Variants in ERBB2 observed in about 807,000 individuals in gnomAD.
ERBB2 encodes erb-b2 receptor tyrosine kinase 2.
In ERBB2, 61 loss-of-function variants were observed where a neutral mutation model predicts 149.0. That is an observed-to-expected ratio of 0.41 (90% CI 0.33 to 0.51). The LOEUF (loss-of-function observed/expected upper bound fraction) is 0.51, where lower values mean the gene tolerates loss of function less well. Ranked by LOEUF, ERBB2 falls within the 20% of genes least tolerant of loss-of-function variation. The pLI is 0.25. For synonymous variants in ERBB2, 633 were observed against 678.8 expected (o/e 0.93, Z 1.05); for missense variants, 1,205 against 1,655.1 (o/e 0.73, Z 4.72).
rs1267880244 is a variant in ERBB2, at chr17:39,727,408, A to T, written c.3273A>T (p.Gly1091=). ...AGSDVFDGDL[G]MGAAKGLQSL... ...CCGATGTATTTGATGGTGACCTGGG[A>T]ATGGGGGCAGCCAAGGGGCTGCAAA... Residue 1091 remains glycine, a synonymous_variant, in exon 26 of 27, where the codon GGA becomes GGT. Coordinates refer to ENST00000269571, the MANE Select transcript of ERBB2 (RefSeq NM_004448.4). The surrounding 1 kb of genome is among the most constrained non-coding windows in gnomAD (Gnocchi z 4.3). The T allele has an allele frequency of 6.2e-7, 1 of 1,611,206 alleles. No individual in the cohort carries two copies. The highest frequency in any genetic ancestry group is 1.3e-5 in the African/African-American group (1 of 74,822).
At position 39,723,429 on chromosome 17, in the gene ERBB2, C is replaced by G. The variant is rs1190122730; in HGVS notation, c.2057C>G (p.Thr686Arg). Residue 686 changes from threonine (T) to arginine (R), a missense_variant, in exon 17 of 27, where the codon ACG becomes AGG. Around this residue, in one of 6 missense-constraint regions of ERBB2, gnomAD observed 569 missense variants for 803.5 expected, o/e 0.71. Coordinates refer to ENST00000269571, the MANE Select transcript of ERBB2 (RefSeq NM_004448.4). The surrounding 1 kb of genome is among the most constrained non-coding windows in gnomAD (Gnocchi z 6.2). ...KRRQQKIRKY[T>R]MRRLLQETEL... ...CGGCAGCAGAAGATCCGGAAGTACA[C>G]GATGCGGAGACTGCTGCAGGAAACG... 1.9e-6 allele frequency: 3 copies of G among 1,614,176 alleles called. No individual in the cohort carries two copies. Among genetic ancestry groups the G allele is most frequent in the Non-Finnish European group, 2.5e-6 (3 of 1,180,034 alleles).
In ERBB2 at chr17:39,727,575, C is replaced by T. The variant is rs1342771260; in HGVS notation, c.3412+28C>T. 8 of 1,585,280 alleles carry T rather than the reference C, an allele frequency of 5.0e-6. No homozygotes were observed. The highest frequency in any genetic ancestry group is 6.8e-6 in the Non-Finnish European group (8 of 1,172,518). The stretch of plus-strand genomic sequence containing the variant: ...ATGGAGTCCAGTCTAAGCAGAGAGA[C>T]TGATGGGCAGGGGAGGTGGGACCTT... On this transcript the variant is annotated intron_variant, in intron 26 of 26. Coordinates refer to ENST00000269571, the MANE Select transcript of ERBB2 (RefSeq NM_004448.4). The surrounding 1 kb of genome is among the most constrained non-coding windows in gnomAD (Gnocchi z 4.3).
chr17:39,716,352 G>T lies in ERBB2; in HGVS notation c.1565G>T (p.Gly522Val), dbSNP rs561322621. 6.2e-7 allele frequency: 1 copy of T among 1,608,900 alleles called. No individual in the cohort carries two copies. Among genetic ancestry groups the T allele is most frequent in the East Asian group, 2.2e-5 (1 of 44,768 alleles). The part of the protein sequence containing the change: ...HQLCARGHCW[G>V]PGPTQCVNCS... The stretch of plus-strand genomic sequence containing the variant: ...CTGTGCGCCCGAGGGCACTGCTGGG[G>T]TCCAGGGCCCACCCAGTGTGTCAAC... The change falls in exon 13 of 27, where the codon GGT becomes GTT. Residue 522 changes from glycine to valine, a missense_variant. Physicochemically the swap from Gly to Val is moderately radical, Grantham distance 109. This residue lies in a region of ERBB2 where 569 missense variants were observed against 803.5 expected (regional missense o/e 0.71). Coordinates refer to ENST00000269571, the MANE Select transcript of ERBB2 (RefSeq NM_004448.4).
At chr17:39,700,015 A>G, upstream of ERBB2, 1 of 1,268,984 alleles carries the variant, frequency 7.9e-7, no homozygotes, top group South Asian at 3.1e-5. Flanking sequence ...GAGGTGGAGG[A>G]GGAGGGCTGC....
In ERBB2 at chr17:39,725,425, A is replaced by G. The variant is rs1257076596; in HGVS notation, c.2725+23A>G. Reference sequence around the variant, plus strand: ...ATGGTGTGTGATGGGGGGTGTTGGGAGGGGTGGGTGAGGAGCCATGGCTGG... The same window carrying G: ...ATGGTGTGTGATGGGGGGTGTTGGGGGGGGTGGGTGAGGAGCCATGGCTGG... On this transcript the variant is annotated intron_variant, in intron 22 of 26. Transcript: ENST00000269571. The surrounding 1 kb of genome is among the most constrained non-coding windows in gnomAD (Gnocchi z 4.6). 2 of 901,974 alleles carry G rather than the reference A, an allele frequency of 2.2e-6. No homozygotes were observed. The highest frequency in any genetic ancestry group is 3.5e-6 in the Non-Finnish European group (2 of 576,254). The allele number at this position is 901,974 out of a possible 1,614,324, so 55.9% of individuals were successfully genotyped here.
At position 39,728,040 on chromosome 17, in the gene ERBB2, TG is replaced by T. The variant is rs1848620508; in HGVS notation, c.3765del (p.Ter1256GlufsTer46). On this transcript the variant is annotated frameshift_variant, in exon 27 of 27. Coordinates refer to ENST00000269571, the MANE Select transcript of ERBB2 (RefSeq NM_004448.4). LOFTEE classifies it high-confidence loss of function. ...NPEYLGLDVP[V>X] ...GAGTACCTGGGTCTGGACGTGCCAG[TG>T]TGAACCAGAAGGCCAAGTCCGCAGA... is the stretch of plus-strand genomic sequence containing the variant. 3 of 1,579,058 alleles carry T rather than the reference TG, an allele frequency of 1.9e-6. No individual in the cohort carries two copies. Among genetic ancestry groups the T allele is most frequent in the Non-Finnish European group, 1.7e-6 (2 of 1,162,900 alleles).
In ERBB2 at chr17:39,727,632, G is replaced by A. The variant is rs2143276308; in HGVS notation, c.3413-57G>A. 6.4e-7 allele frequency: 1 copy of A among 1,556,832 alleles called. No individual in the cohort carries two copies. Among genetic ancestry groups the A allele is most frequent in the Non-Finnish European group, 8.7e-7 (1 of 1,154,522 alleles). On this transcript the variant is annotated intron_variant, in intron 26 of 26. Transcript: ENST00000269571. The surrounding 1 kb of genome is among the most constrained non-coding windows in gnomAD (Gnocchi z 4.3). ...AGGGTCCACTGTGGGGGCAGAGGGA[G>A]TGGCAGAGACACCGGGGTTCCTTCC... is the stretch of plus-strand genomic sequence containing the variant.
In ERBB2 at chr17:39,724,272, A is replaced by ATTTT. The variant is rs71149796; in HGVS notation, c.2307+275_2307+278dup. On this transcript the variant is annotated intron_variant, in intron 19 of 26. Coordinates refer to ENST00000269571, the MANE Select transcript of ERBB2 (RefSeq NM_004448.4). The stretch of plus-strand genomic sequence containing the variant: ...TAGCTGGGATTACAAGCGCCCGCTA[A>ATTTT]TTTTTTTTTTTTTTTTGAGACAGAG... Among the ~76,000 whole-genome samples the ATTTT allele has an allele frequency of 1.8e-4, 14 of 77,010 alleles. 3 individuals carry two copies. Among genetic ancestry groups the ATTTT allele is most frequent in the Non-Finnish European group, 3.0e-4 (11 of 37,232 alleles). The allele number at this position is 77,010 out of a possible 152,430, so 50.5% of individuals were successfully genotyped here.
At chr17:39,718,238 AT>A (rs1308518782) in intron 15 of ERBB2, among the ~76,000 whole-genome samples, 3 of 152,038 alleles carry the variant, frequency 2.0e-5, no homozygotes, top group Non-Finnish European at 4.4e-5. Context: ...TATTCTTTTA[AT>A]TTTTCTTATT....
chr17:39,689,671 C>T (rs1329605735), intron 2 of ERBB2, among the ~76,000 whole-genome samples: 4 of 152,022 alleles, frequency 2.6e-5, no homozygotes, highest in South Asian at 4.1e-4. Context: ...TTTGGGAGGC[C>T]GAGGCGGACG....
At chr17:39,697,411 A>G (rs1404303313), upstream of ERBB2, among the ~76,000 whole-genome samples, 2 of 147,100 alleles carry the variant, frequency 1.4e-5, no homozygotes, top group Admixed American at 6.8e-5. Context: ...GCTGGAGTAC[A>G]ATGGCGCGAT....
intron 7 of ERBB2, among the ~76,000 whole-genome samples, chr17:39,711,285 G>A (rs776413450): frequency 2.0e-5 from 3 of 151,860 alleles, no homozygotes; most frequent in Non-Finnish European, 2.9e-5. Flanking sequence ...TCTGCCTTCC[G>A]CATTCAAGCA....
chr17:39,712,148 G>A, intron 8 of ERBB2, 101 bp downstream of exon 8: 1 of 1,576,856 alleles, frequency 6.3e-7, no homozygotes, highest in Non-Finnish European at 8.7e-7. Flanking sequence ...GACCCTCTTG[G>A]GACCTAGTCT....
At position 39,727,817 on chromosome 17, in the gene ERBB2, G is replaced by A. The variant is rs776754071; in HGVS notation, c.3541G>A (p.Val1181Ile). 1.3e-5 allele frequency: 21 copies of A among 1,613,498 alleles called. No individual in the cohort carries two copies. The highest frequency in any genetic ancestry group is 4.5e-5 in the East Asian group (2 of 44,892). Residue 1181 changes from valine (V) to isoleucine (I), a missense_variant, in exon 27 of 27, where the codon GTC (valine) becomes ATC (isoleucine). Around this residue, in one of 6 missense-constraint regions of ERBB2, gnomAD observed 312 missense variants for 343.8 expected, o/e 0.91. Coordinates refer to ENST00000269571, the MANE Select transcript of ERBB2 (RefSeq NM_004448.4). This position sits in a 1 kb window ranked among gnomAD's most constrained non-coding sequence, Gnocchi z 4.3. ...TCTCTCCCCAGGGAAGAATGGGGTC[G>A]TCAAAGACGTTTTTGCCTTTGGGGG... ...KTLSPGKNGV[V>I]KDVFAFGGAV... is the part of the protein sequence containing the mutation.
intron 1 of ERBB2, among the ~76,000 whole-genome samples, chr17:39,704,116 C>T (rs1009708599): frequency 2.6e-5 from 4 of 152,204 alleles, no homozygotes; most frequent in African/African-American, 9.7e-5. Flanking sequence ...GGACTTCATT[C>T]ATCCACTCAT....
rs144533600 is a variant in ERBB2 at position 39,728,006 on chromosome 17, G to C, written c.3730G>C (p.Glu1244Gln). Reference sequence around the variant, plus strand: ...CACCTTCAAAGGGACACCTACGGCAGAGAACCCAGAGTACCTGGGTCTGGA... The same window carrying C: ...CACCTTCAAAGGGACACCTACGGCACAGAACCCAGAGTACCTGGGTCTGGA... ...PSTFKGTPTA[E>Q]NPEYLGLDVP... Residue 1244 changes from glutamate (E) to glutamine (Q), a missense_variant, in exon 27 of 27, where the codon GAG becomes CAG. This residue lies in a region of ERBB2 where 312 missense variants were observed against 343.8 expected (regional missense o/e 0.91). Transcript: ENST00000269571. 2.5e-6 allele frequency: 4 copies of C among 1,609,060 alleles called. No homozygotes were observed. The highest frequency in any genetic ancestry group is 2.5e-6 in the Non-Finnish European group (3 of 1,178,862).
In ERBB2 at chr17:39,725,028, CATGGGTGCT is replaced by C; in HGVS notation, c.2494-20_2494-12del. On this transcript the variant is annotated splice_polypyrimidine_tract_variant and intron_variant, in intron 20 of 26. Transcript: ENST00000269571. This position sits in a 1 kb window ranked among gnomAD's most constrained non-coding sequence, Gnocchi z 4.6. ...GGCCCAGGCCCTCCCAGAAGGTCTA[CATGGGTGCT>C]TCCCATTCCAGGGGATGAGCTACCT... 6.2e-7 allele frequency: 1 copy of C among 1,614,000 alleles called. No individual in the cohort carries two copies. The highest frequency in any genetic ancestry group is 8.5e-7 in the Non-Finnish European group (1 of 1,179,944).
chr17:39,699,831 AGT>A, upstream of ERBB2: 1 of 556,952 alleles, frequency 1.8e-6, no homozygotes, highest in Non-Finnish European at 3.0e-6. Flanking sequence ...TCCGAGGAAA[AGT>A]GTGAGAACGG....
chr17:39,710,581 A>G, intron 7 of ERBB2, 100 bp downstream of exon 7: 1 of 1,392,510 alleles, frequency 7.2e-7, no homozygotes. Context: ...TTGCTTTGAG[A>G]GCTGGTCATG....
Sources: allele counts gnomAD v4.1 joint callset (sites outside exome capture counted in the v4.1 genomes callset), GRCh38; gene constraint gnomAD v4.1.1; regional missense constraint gnomAD v4.1.1; non-coding constraint Gnocchi (gnomAD v3.1); transcripts MANE v1.5; gene names NCBI Gene and HGNC (gene_info 2026-07-23, HGNC 2026-07-21).